Variants in TEFM observed in about 807,000 individuals in gnomAD.
The protein encoded by TEFM is transcription elongation factor of mitochondria.
Under a neutral mutation model 23.0 loss-of-function variants are expected in TEFM, and 14 were observed. That is an observed-to-expected ratio of 0.61 (90% CI 0.40 to 0.95). The LOEUF (loss-of-function observed/expected upper bound fraction) is 0.95, where lower values mean the gene tolerates loss of function less well. Ranked by LOEUF, TEFM falls within the 40% of genes least tolerant of loss-of-function variation. TEFM has a pLI of 0.00. For missense variants in TEFM, 386 were observed against 425.5 expected, an observed-to-expected ratio of 0.91 and a Z score of 0.82; for synonymous variants, 155 against 158.3, an observed-to-expected ratio of 0.98 and a Z score of 0.16.
At chr17:30,902,869 G>A (rs1319391181) in intron 2 of TEFM, among the ~76,000 whole-genome samples, 5 of 152,206 alleles carry the variant, frequency 3.3e-5, no homozygotes, top group Non-Finnish European at 5.9e-5. Flanking sequence ...GTGGCCGGGC[G>A]CAGTGTCTCA....
intron 2 of TEFM, among the ~76,000 whole-genome samples, chr17:30,902,953 G>A (rs1910073267): frequency 8.7e-6 from 1 of 114,698 alleles, no homozygotes; most frequent in African/African-American, 3.5e-5. Flanking sequence ...CCATCCTGGC[G>A]CCAACATGGT....
chr17:30,899,420 G>A lies in TEFM; in HGVS notation c.832C>T (p.Arg278Ter), dbSNP rs1909989418. The change falls in exon 4 of 4, where the codon CGA becomes TGA. Residue 278 changes from arginine (R) to a stop codon, truncating the protein, a stop_gained. Coordinates refer to ENST00000581216, the MANE Select transcript of TEFM (RefSeq NM_024683.4). LOFTEE classifies it low-confidence loss of function (END_TRUNC). ...DGQHQVLSMNRNAVGKHFELM... is the reference protein window; with the variant it reads ...DGQHQVLSMN ...TCAAAATGCTTCCCCACTGCATTTC[G>A]ATTCATGCTCAGCACCTGATGCTGC... 3.1e-6 allele frequency: 5 copies of A among 1,614,092 alleles called. No individual in the cohort carries two copies. The highest frequency in any genetic ancestry group is 4.2e-6 in the Non-Finnish European group (5 of 1,179,976).
chr17:30,905,286 C>T (rs1208712076), intron 1 of TEFM, among the ~76,000 whole-genome samples: 1 of 151,970 alleles, frequency 6.6e-6, no homozygotes. Context: ...TTTGGGAGGC[C>T]GAGGTGGGCG....
chr17:30,903,969 A>C (rs911612401), intron 2 of TEFM, 97 bp downstream of exon 2: 2 of 1,038,038 alleles, frequency 1.9e-6, no homozygotes, highest in African/African-American at 3.2e-5. Context: ...AACCTGAAGA[A>C]CCCTGTCTTA....
In TEFM at chr17:30,906,150, G is replaced by A. The variant is rs549739761; in HGVS notation, c.31+18C>T. On this transcript the variant is annotated intron_variant, in intron 1 of 3. Transcript: ENST00000581216. ...TAATGACAGACGGGAAATCACCCCA[G>A]TGTTCCAAGCACCCTACCTCCCGCC... 6.2e-7 allele frequency: 1 copy of A among 1,613,720 alleles called. No homozygotes were observed. Among genetic ancestry groups the A allele is most frequent in the South Asian group, 1.1e-5 (1 of 90,964 alleles).
intron 2 of TEFM, among the ~76,000 whole-genome samples, chr17:30,902,770 A>G (rs887336954): frequency 6.6e-6 from 1 of 152,166 alleles, no homozygotes; most frequent in African/African-American, 2.4e-5. Flanking sequence ...TCCAGAAAAA[A>G]AATGGTGCTT....
Position 30,904,157 on chromosome 17 carries a change from C to G in TEFM, c.404G>C (p.Cys135Ser). ...STVQVCNSIL[C>S]PKTGREKRKS... Reference sequence around the variant, plus strand: ...TCTTTTTTCCCGTCCAGTCTTTGGACAAAGTATGGAGTTACAAACTTGAAC... The same window carrying G: ...TCTTTTTTCCCGTCCAGTCTTTGGAGAAAGTATGGAGTTACAAACTTGAAC... The change falls in exon 2 of 4, where the codon TGT (cysteine) becomes TCT (serine). Residue 135 changes from cysteine (C) to serine (S), a missense_variant. Physicochemically the swap from Cys to Ser is moderately radical, Grantham distance 112 (BLOSUM62 -1). Transcript: ENST00000581216. 1.2e-6 allele frequency: 2 copies of G among 1,614,168 alleles called. No homozygotes were observed. The highest frequency in any genetic ancestry group is 1.1e-5 in the South Asian group (1 of 91,074).
At chr17:30,900,781 T>TA (rs150070676) in intron 2 of TEFM, among the ~76,000 whole-genome samples, 8,995 of 151,400 alleles carry the variant, frequency 0.059, 387 homozygotes, top group African/African-American at 0.12. Flanking sequence ...TTTTTATTTT[T>TA]TTTTTTAGTA....
intron 3 of TEFM, 21 bp from the exon 4 acceptor site, chr17:30,899,627 TAAAG>T (rs778700899): frequency 6.8e-7 from 1 of 1,466,698 alleles, no homozygotes; most frequent in East Asian, 2.3e-5. Flanking sequence ...AAAGACAAAA[TAAAG>T]GAACAGAAAT....
chr17:30,900,558 ACTGC>A lies in TEFM; in HGVS notation c.496_499del (p.Ala166LeufsTer23). The A allele has an allele frequency of 1.2e-6, 2 of 1,610,828 alleles. No homozygotes were observed. Among genetic ancestry groups the A allele is most frequent in the Non-Finnish European group, 1.7e-6 (2 of 1,178,812 alleles). On this transcript the variant is annotated frameshift_variant and splice_region_variant, in exon 3 of 4. Transcript: ENST00000581216. LOFTEE classifies it high-confidence loss of function. ...AAAAACGATAGATATGATACTATTAACTGCCTAAAAGAAAAGACTGATTTAATTA... is the reference window on the plus strand; with the variant it reads ...AAAAACGATAGATATGATACTATTAACTAAAAGAAAAGACTGATTTAATTA...
chr17:30,899,665 T>C, intron 3 of TEFM, 59 bp from the exon 4 acceptor site: 1 of 1,206,002 alleles, frequency 8.3e-7, no homozygotes, highest in South Asian at 2.0e-5. Context: ...TTATGTTTGG[T>C]CCCCTCTCTG....
At chr17:30,900,762 C>A (rs750659389) in intron 2 of TEFM, among the ~76,000 whole-genome samples, 200 bp from the exon 3 acceptor site, 1 of 141,302 alleles carries the variant, frequency 7.1e-6, no homozygotes, top group African/African-American at 2.6e-5. Flanking sequence ...CCACCACGCC[C>A]GGCTAATTTT....
intron 2 of TEFM, among the ~76,000 whole-genome samples, chr17:30,901,086 A>C (rs1910038607): frequency 6.6e-6 from 1 of 152,078 alleles, no homozygotes; most frequent in African/African-American, 2.4e-5. Flanking sequence ...GCAGTGGCGC[A>C]ATCAGCTCAC....
chr17:30,906,173 G>A lies in TEFM; in HGVS notation c.26C>T (p.Ala9Val), dbSNP rs1910168708. The A allele has an allele frequency of 2.5e-6, 4 of 1,614,094 alleles. No homozygotes were observed. Among genetic ancestry groups the A allele is most frequent in the Non-Finnish European group, 3.4e-6 (4 of 1,180,020 alleles). The change falls in exon 1 of 4, where the codon GCG becomes GTG. Residue 9 changes from alanine to valine, a missense_variant. Coordinates refer to ENST00000581216, the MANE Select transcript of TEFM (RefSeq NM_024683.4). MSGSVLFT[A>V]GERWRCFLTP... is the part of the protein sequence containing the mutation. ...CAGTGTTCCAAGCACCCTACCTCCC[G>A]CCGTGAAGAGGACAGACCCGCTCAT...
At position 30,899,439 on chromosome 17, in the gene TEFM, A is replaced by G; in HGVS notation, c.813T>C (p.His271=). Residue 271 remains histidine (H), a synonymous_variant, in exon 4 of 4, where the codon CAT becomes CAC. Coordinates refer to ENST00000581216, the MANE Select transcript of TEFM (RefSeq NM_024683.4). ...LNKTFAQDGQ[H]QVLSMNRNAV... ...CATTTCGATTCATGCTCAGCACCTG[A>G]TGCTGCCCATCCTGGGCAAAAGTTT... 6.2e-7 allele frequency: 1 copy of G among 1,614,192 alleles called. No homozygotes were observed. The highest frequency in any genetic ancestry group is 2.2e-5 in the East Asian group (1 of 44,888).
intron 3 of TEFM, chr17:30,900,072 T>G: frequency 2.7e-6 from 1 of 374,872 alleles, no homozygotes; most frequent in Non-Finnish European, 4.8e-6. Context: ...TGATAATTCC[T>G]GACCATTTCG....
In TEFM at chr17:30,900,438, T is replaced by C; in HGVS notation, c.620A>G (p.Tyr207Cys). 1.2e-6 allele frequency: 2 copies of C among 1,614,052 alleles called. No homozygotes were observed. Among genetic ancestry groups the C allele is most frequent in the Non-Finnish European group, 1.7e-6 (2 of 1,180,012 alleles). The change falls in exon 3 of 4, where the codon TAC (tyrosine) becomes TGC (cysteine). Residue 207 changes from tyrosine to cysteine, a missense_variant. Tyr to Cys is a radical substitution (Grantham distance 194). Coordinates refer to ENST00000581216, the MANE Select transcript of TEFM (RefSeq NM_024683.4). ...SDRWSLMRGI[Y>C]SSSVYLEEIS... ...CTCTTCTAAATAGACTGATGATGAG[T>C]ATATTCCTCTCATTAAACTCCAACG... is the stretch of plus-strand genomic sequence containing the variant.
rs765532888 is a variant in TEFM, at chr17:30,899,025, G to A, written c.*144C>T. The A allele has an allele frequency of 8.9e-6, 7 of 790,540 alleles. No homozygotes were observed. Among genetic ancestry groups the A allele is most frequent in the Non-Finnish European group, 1.4e-5 (7 of 498,484 alleles). The allele number at this position is 790,540 out of a possible 1,614,324, so 49.0% of individuals were successfully genotyped here. A position where few individuals can be genotyped will look rare whatever the true frequency, so the allele number is the denominator to read the frequency against. On this transcript the variant is annotated 3_prime_UTR_variant, in exon 4 of 4. Transcript: ENST00000581216. ...TATTGATTTGGTCTTGGCTTATTGT[G>A]TAAACCATTTAATAGCCAAAAGTCA...
Position 30,904,124 on chromosome 17 carries a change from G to A in TEFM, c.437C>T (p.Pro146Leu), listed in dbSNP as rs558812361. ...PKTGREKRKS[P>L]ENRFLRKLLK... ...GAGCTTTCTCAGGAACCGGTTTTCC[G>A]GTGACTTTCTTTTTTCCCGTCCAGT... is the stretch of plus-strand genomic sequence containing the variant. Residue 146 changes from proline (P) to leucine (L), a missense_variant, in exon 2 of 4, where the codon CCG becomes CTG. Physicochemically the swap from Pro to Leu is moderately conservative, Grantham distance 98. Transcript: ENST00000581216. 1.2e-5 allele frequency: 20 copies of A among 1,613,994 alleles called. No homozygotes were observed. Among genetic ancestry groups the A allele is most frequent in the South Asian group, 7.7e-5 (7 of 91,040 alleles).
Sources: gnomAD v4.1 joint callset for allele counts (sites outside exome capture counted in the v4.1 genomes callset) on GRCh38, gnomAD v4.1.1 for gene constraint, MANE v1.5 for transcripts, NCBI Gene and HGNC (gene_info 2026-07-23, HGNC 2026-07-21) for gene names.